The following LPP variants were observed in gnomAD, a reference collection of about 807,000 sequenced individuals.
LPP encodes lipoma-preferred partner.
In LPP, 38 loss-of-function variants were observed where a neutral mutation model predicts 60.4. The observed-to-expected ratio is 0.63, with a 90% confidence interval of 0.49 to 0.83. The LOEUF (loss-of-function observed/expected upper bound fraction) is 0.83. LPP is among the 40% of genes least tolerant of loss of function. The pLI, the probability that LPP is intolerant of heterozygous loss-of-function variation, is 0.00. For missense variants in LPP, 902 were observed against 783.6 expected (o/e 1.15, Z -1.80); for synonymous variants, 328 against 290.8 (o/e 1.13, Z -1.30).
At chr3:188,515,671 GACA>G (rs1232062497) in intron 5 of LPP, among the ~76,000 whole-genome samples, 1 of 152,100 alleles carries the variant, frequency 6.6e-6, no homozygotes, top group Non-Finnish European at 1.5e-5. Flanking sequence ...CAGCTTTTGC[GACA>G]ACTTTTCCCA....
intron 8 of LPP, among the ~76,000 whole-genome samples, chr3:188,713,533 A>C (rs1712509223): frequency 6.6e-6 from 1 of 152,154 alleles, no homozygotes; most frequent in South Asian, 2.1e-4. Flanking sequence ...TTTATGAGCT[A>C]TTTGTTGCAG....
intron 3 of LPP, among the ~76,000 whole-genome samples, chr3:188,382,233 A>C (rs1777106492): frequency 1.3e-5 from 2 of 152,138 alleles, no homozygotes; most frequent in South Asian, 4.1e-4. Context: ...AATTCTTGTA[A>C]GTCTACTTTT....
At chr3:188,293,199 G>A (rs1253099451) in intron 2 of LPP, among the ~76,000 whole-genome samples, 1 of 152,204 alleles carries the variant, frequency 6.6e-6, no homozygotes, top group Non-Finnish European at 1.5e-5. Flanking sequence ...CACATTATAG[G>A]TATTTATTAC....
intron 7 of LPP, among the ~76,000 whole-genome samples, chr3:188,677,061 G>A (rs547354470): frequency 1.5e-4 from 23 of 152,170 alleles, no homozygotes; most frequent in Non-Finnish European, 3.1e-4. Flanking sequence ...GACTGTTGAC[G>A]ACAATCATGC....
At chr3:188,800,175 C>CTTTTTTTTTTT (rs35258838) in intron 9 of LPP, among the ~76,000 whole-genome samples, 3 of 115,734 alleles carry the variant, frequency 2.6e-5, no homozygotes, top group Admixed American at 8.5e-5. Context: ...AACATTGTTT[C>CTTTTTTTTTTT]TTTTTTTTTT....
At chr3:188,399,126 G>A (rs1184015530) in intron 3 of LPP, among the ~76,000 whole-genome samples, 1 of 152,164 alleles carries the variant, frequency 6.6e-6, no homozygotes, top group Non-Finnish European at 1.5e-5. Flanking sequence ...TTTCGAGAAG[G>A]ACACAAGATT....
chr3:188,533,487 C>T (rs1428610494), intron 6 of LPP, among the ~76,000 whole-genome samples: 3 of 152,090 alleles, frequency 2.0e-5, no homozygotes, highest in Non-Finnish European at 2.9e-5. Flanking sequence ...CTTCCTCCTC[C>T]TATATTCTCT....
At chr3:188,716,222 C>A (rs920329187) in intron 8 of LPP, among the ~76,000 whole-genome samples, 18 of 152,174 alleles carry the variant, frequency 1.2e-4, no homozygotes, top group African/African-American at 4.3e-4. Context: ...CAAAGGACAG[C>A]TAGACAAAAG....
At chr3:188,392,524 A>G (rs1024478682) in intron 3 of LPP, among the ~76,000 whole-genome samples, 4 of 152,282 alleles carry the variant, frequency 2.6e-5, no homozygotes, top group African/African-American at 9.6e-5. Context: ...TCTTTATAAC[A>G]AACTAAATAG....
In LPP at chr3:188,839,076, G is replaced by A. The variant is rs563634781; in HGVS notation, c.1411-27124G>A. Among the ~76,000 whole-genome samples, 4 of 152,212 alleles carry A rather than the reference G, an allele frequency of 2.6e-5. No homozygotes were observed. The South Asian group carries it at 8.3e-4, about 32-fold the overall frequency. On this transcript the variant is annotated intron_variant, in intron 9 of 11. Transcript: ENST00000617246. ...GGGTATAGGAATCACAATTTGCAGT[G>A]CTATCTTTCACACTTCTTACCACCT...
chr3:188,550,577 C>CAAAAAAAAAA lies in LPP; in HGVS notation c.429+25804_429+25813dup, dbSNP rs67052080. Among the ~76,000 whole-genome samples the CAAAAAAAAAA allele has an allele frequency of 7.4e-3, 494 of 66,890 alleles. 26 individuals are homozygous for CAAAAAAAAAA. The highest frequency in any genetic ancestry group is 0.026 in the African/African-American group (411 of 15,646). The allele number at this position is 66,890 out of a possible 152,430, so 43.9% of individuals were successfully genotyped here. ...TGGGTGACAGAGCAAGACTCCATCT[C>CAAAAAAAAAA]AAAAAAAAAAAAAAAAAAAAAAATC... On this transcript the variant is annotated intron_variant, in intron 6 of 11. Coordinates refer to ENST00000617246, the MANE Select transcript of LPP (RefSeq NM_001375462.1).
intron 2 of LPP, among the ~76,000 whole-genome samples, chr3:188,258,718 C>T (rs977692483): frequency 6.6e-6 from 1 of 152,124 alleles, no homozygotes; most frequent in Non-Finnish European, 1.5e-5. Context: ...TTCTAAGATT[C>T]GTCTAGAGAA....
chr3:188,492,238 A>T lies in LPP; in HGVS notation c.306+7534A>T, dbSNP rs1385697981. Among the ~76,000 whole-genome samples the T allele has an allele frequency of 2.6e-5, 4 of 152,178 alleles. No individual in the cohort carries two copies. In the East Asian group the frequency reaches 7.7e-4, roughly 29 times the overall value. ...TATTTCAGAACATTTCCTTTGCTCA[A>T]AGTTAAGTGAGACTATAGTTGGTTC... On this transcript the variant is annotated intron_variant, in intron 5 of 11. Transcript: ENST00000617246.
At chr3:188,305,277 C>A (rs1019327385) in intron 2 of LPP, among the ~76,000 whole-genome samples, 1 of 152,180 alleles carries the variant, frequency 6.6e-6, no homozygotes. Context: ...TGTTATTTTG[C>A]AGCCCTCAAG....
chr3:188,240,272 T>C (rs557176397), intron 2 of LPP: 2 of 171,334 alleles, frequency 1.2e-5, no homozygotes, highest in African/African-American at 2.4e-5. Flanking sequence ...AGGGGGAACA[T>C]GGGTAGGAAT....
chr3:188,485,796 C>CAA (rs766522013), intron 5 of LPP, among the ~76,000 whole-genome samples: 2,757 of 40,112 alleles, frequency 0.069, 480 homozygotes, highest in East Asian at 0.41. Flanking sequence ...GACTCCGTCT[C>CAA]AAAAAAAAAA....
intron 2 of LPP, among the ~76,000 whole-genome samples, chr3:188,310,621 T>C (rs1447922405): frequency 6.6e-6 from 1 of 152,192 alleles, no homozygotes; most frequent in Non-Finnish European, 1.5e-5. Flanking sequence ...CACCTAATTA[T>C]AGATGGCCTC....
intron 9 of LPP, among the ~76,000 whole-genome samples, chr3:188,811,565 G>A (rs1186794307): frequency 6.6e-6 from 1 of 152,038 alleles, no homozygotes; most frequent in Non-Finnish European, 1.5e-5. Flanking sequence ...TTGTTTTATA[G>A]CAATTACTGG....
intron 8 of LPP, among the ~76,000 whole-genome samples, chr3:188,720,251 A>T (rs1715782993): frequency 6.6e-6 from 1 of 152,172 alleles, no homozygotes; most frequent in Non-Finnish European, 1.5e-5. Context: ...CTCTACAAAT[A>T]TTTATTGAGT....
Sources: gnomAD v4.1 joint callset for allele counts (sites outside exome capture counted in the v4.1 genomes callset) on GRCh38, gnomAD v4.1.1 for gene constraint, MANE v1.5 for transcripts, NCBI Gene and HGNC (gene_info 2026-07-23, HGNC 2026-07-21) for gene names.